RGS22: variants seen among roughly 807,000 people sequenced by gnomAD.
The protein encoded by RGS22 is regulator of G-protein signaling 22.
In RGS22, 148 loss-of-function variants were observed where a neutral mutation model predicts 172.9. The observed-to-expected ratio is 0.86, with a 90% CI of 0.75 to 0.98. The LOEUF (loss-of-function observed/expected upper bound fraction) is 0.98, where lower values mean the gene tolerates loss of function less well. Among genes scored for constraint, RGS22 ranks in the 50% least tolerant of loss-of-function variants. The probability of loss-of-function intolerance (pLI) is 0.00; values close to 1 mark genes in which losing one functional copy is unlikely to be tolerated. For missense variants in RGS22, 1,347 were observed against 1,440.8 expected, an observed-to-expected ratio of 0.93 and a Z score of 1.05; for synonymous variants, 458 against 480.2, an observed-to-expected ratio of 0.95 and a Z score of 0.60.
chr8:100,008,375 C>T lies in RGS22; in HGVS notation c.2361G>A (p.Lys787=). The part of the protein sequence containing the change: ...MVKSDQIAYK[K]VELVEETRQL... ...ACTCAATTTATCGGTGGCACGGTAC[C>T]TTTTTATAAGCAATTTGGTCCGATT... Residue 787 remains lysine, a splice_region_variant and synonymous_variant, in exon 15 of 28, where the codon AAG becomes AAA. Transcript: ENST00000360863. 1 of 1,607,024 alleles carries T rather than the reference C, an allele frequency of 6.2e-7. No individual in the cohort carries two copies. The highest frequency in any genetic ancestry group is 8.5e-7 in the Non-Finnish European group (1 of 1,178,346).
chr8:99,998,971 C>A (rs1814687149), intron 19 of RGS22, among the ~76,000 whole-genome samples: 1 of 152,102 alleles, frequency 6.6e-6, no homozygotes. Flanking sequence ...AGCCTGGGCA[C>A]ATAGCAAGAC....
In RGS22 at chr8:100,063,551, G is replaced by C. The variant is rs1810308118; in HGVS notation, c.1217C>G (p.Thr406Ser). 6.2e-7 allele frequency: 1 copy of C among 1,613,856 alleles called. No individual in the cohort carries two copies. Residue 406 changes from threonine (T) to serine (S), a missense_variant, in exon 8 of 28, where the codon ACT becomes AGT. Coordinates refer to ENST00000360863, the MANE Select transcript of RGS22 (RefSeq NM_015668.5). ...CTCCTTTCTATTGCCAATGTCATAA[G>C]TCCTATGAGAAATACACCAGTCCGC... Reference protein sequence around the residue: ...SRADWCISHRTYDIGNRKEFE... With the variant: ...SRADWCISHRSYDIGNRKEFE...
intron 20 of RGS22, among the ~76,000 whole-genome samples, chr8:99,995,958 G>A (rs1360850961): frequency 4.6e-5 from 7 of 152,120 alleles, no homozygotes; most frequent in East Asian, 1.9e-4. Context: ...CATGTCCTTC[G>A]CAGGGACATG....
intron 14 of RGS22, among the ~76,000 whole-genome samples, chr8:100,014,342 A>G (rs1248017642): frequency 6.6e-6 from 1 of 152,094 alleles, no homozygotes; most frequent in Non-Finnish European, 1.5e-5. Context: ...CTCTCATTCT[A>G]AAACGTTTTT....
chr8:100,049,134 A>G (rs1207862592), intron 10 of RGS22, among the ~76,000 whole-genome samples: 1 of 152,178 alleles, frequency 6.6e-6, no homozygotes, highest in Non-Finnish European at 1.5e-5. Context: ...TGGGGAAACA[A>G]AAACAAAACA....
At chr8:99,995,197 T>C (rs866581986) in intron 20 of RGS22, among the ~76,000 whole-genome samples, 46 of 152,260 alleles carry the variant, frequency 3.0e-4, no homozygotes, top group African/African-American at 1.1e-3. Flanking sequence ...ATTCAGGACA[T>C]AGGCATGGGC....
At chr8:99,992,563 C>A (rs1472476828) in intron 20 of RGS22, among the ~76,000 whole-genome samples, 1 of 152,142 alleles carries the variant, frequency 6.6e-6, no homozygotes, top group Non-Finnish European at 1.5e-5. Flanking sequence ...ACAAGAAGAG[C>A]TAACTATCCT....
At chr8:99,995,397 G>A (rs144010865) in intron 20 of RGS22, among the ~76,000 whole-genome samples, 1,779 of 152,144 alleles carry the variant, frequency 0.012, 25 homozygotes, top group African/African-American at 0.035. Context: ...CAGAATCTAC[G>A]AAGAGCTCAA....
At chr8:100,028,507 C>T (rs572363906) in intron 14 of RGS22, among the ~76,000 whole-genome samples, 6 of 150,954 alleles carry the variant, frequency 4.0e-5, no homozygotes, top group African/African-American at 1.5e-4. Context: ...GGCCTAGCCT[C>T]TTTGTAAAAG....
At chr8:99,992,485 G>A (rs1341964705) in intron 20 of RGS22, among the ~76,000 whole-genome samples, 1 of 152,156 alleles carries the variant, frequency 6.6e-6, no homozygotes, top group Non-Finnish European at 1.5e-5. Flanking sequence ...TGATAAAACA[G>A]ACTTTAAACC....
intron 11 of RGS22, among the ~76,000 whole-genome samples, chr8:100,044,717 C>A (rs980871082): frequency 2.1e-5 from 3 of 145,750 alleles, no homozygotes; most frequent in African/African-American, 7.7e-5. Context: ...TAACTTAGTT[C>A]TCACTATATA....
intron 22 of RGS22, 41 bp downstream of exon 22, chr8:99,981,896 C>G (rs761694288): frequency 1.3e-6 from 2 of 1,529,338 alleles, no homozygotes; most frequent in Admixed American, 2.0e-5. Flanking sequence ...GATTGTCAAT[C>G]TATTTTAAAA....
rs1813907382 is a variant in RGS22, at chr8:100,105,938, G to A, written c.-17C>T. On this transcript the variant is annotated 5_prime_UTR_variant, in exon 1 of 28. Transcript: ENST00000360863. ...CTCGGGCATGCCGTCCCCGCTGCCCGCGCCTGGAGCCCGCGCGGGCCGTCA... is the reference window on the plus strand; with the variant it reads ...CTCGGGCATGCCGTCCCCGCTGCCCACGCCTGGAGCCCGCGCGGGCCGTCA... 7 of 1,473,100 alleles carry A rather than the reference G, an allele frequency of 4.8e-6. No individual in the cohort carries two copies. The highest frequency in any genetic ancestry group is 1.5e-5 in the African/African-American group (1 of 67,550). The allele number at this position is 1,473,100 out of a possible 1,614,324, so 91.3% of individuals were successfully genotyped here.
chr8:100,031,572 T>C (rs1291012300), intron 14 of RGS22, among the ~76,000 whole-genome samples: 3 of 152,140 alleles, frequency 2.0e-5, no homozygotes, highest in Admixed American at 6.6e-5. Context: ...TAAAATTTGG[T>C]GCGTGTGTGT....
intron 4 of RGS22, among the ~76,000 whole-genome samples, chr8:100,074,749 GTTTT>G (rs140533796): frequency 6.8e-6 from 1 of 148,090 alleles, no homozygotes; most frequent in Non-Finnish European, 1.5e-5. Flanking sequence ...TTTCTTTTTT[GTTTT>G]TTTTTTGTTT....
rs576514424 is a variant in RGS22, at chr8:100,086,740, C to T, written c.118-6385G>A. Among the ~76,000 whole-genome samples the T allele has an allele frequency of 6.6e-5, 10 of 152,166 alleles. No individual in the cohort carries two copies. The East Asian group carries it at 1.4e-3, about 21-fold the overall frequency. On this transcript the variant is annotated intron_variant, in intron 3 of 27. Coordinates refer to ENST00000360863, the MANE Select transcript of RGS22 (RefSeq NM_015668.5). ...GAAAAGAAAAAAGAAAGATAAGCAA[C>T]TTATCGGTCCCCTCCGTATAACAAA...
chr8:100,085,800 G>A (rs1411664543), intron 3 of RGS22, among the ~76,000 whole-genome samples: 3 of 152,092 alleles, frequency 2.0e-5, no homozygotes, highest in African/African-American at 4.8e-5. Flanking sequence ...ACATAGATTG[G>A]TACAACAGAC....
chr8:100,062,455 C>A (rs1270907768), intron 9 of RGS22, 136 bp downstream of exon 9: 2 of 590,614 alleles, frequency 3.4e-6, no homozygotes. Flanking sequence ...AGGACAAGTA[C>A]CTTAAAGAAG....
chr8:100,076,852 G>A (rs1811387455), intron 4 of RGS22, among the ~76,000 whole-genome samples: 2 of 152,148 alleles, frequency 1.3e-5, no homozygotes, highest in Admixed American at 1.3e-4. Flanking sequence ...AAGTATCTGT[G>A]CATGGTGGCA....
Sources: gnomAD v4.1 joint callset for allele counts (sites outside exome capture counted in the v4.1 genomes callset) on GRCh38, gnomAD v4.1.1 for gene constraint, MANE v1.5 for transcripts, NCBI Gene and HGNC (gene_info 2026-07-23, HGNC 2026-07-21) for gene names.